Variants in ROBO2 observed in about 807,000 individuals in gnomAD.
ROBO2 encodes the protein roundabout homolog 2.
ROBO2 carries 53 observed loss-of-function variants against 160.8 expected under a neutral mutation model. That is an observed-to-expected ratio of 0.33 (90% CI 0.26 to 0.41). The LOEUF is 0.41. Ranked by LOEUF, ROBO2 falls within the 10% of genes least tolerant of loss-of-function variation. ROBO2 has a pLI of 1.00. For missense variants in ROBO2, 1,577 were observed against 1,722.4 expected (o/e 0.92, Z 1.49); for synonymous variants, 664 against 611.7 (o/e 1.09, Z -1.26).
intron 2 of ROBO2, among the ~76,000 whole-genome samples, chr3:77,185,783 GAATA>G (rs201483637): frequency 0.013 from 2,000 of 148,978 alleles, 67 homozygotes; most frequent in African/African-American, 0.046. Context: ...ATCAACGAGT[GAATA>G]AATAAACTGT....
chr3:77,133,959 T>G (rs1393446809), intron 2 of ROBO2, among the ~76,000 whole-genome samples: 1 of 152,162 alleles, frequency 6.6e-6, no homozygotes, highest in East Asian at 1.9e-4. Context: ...TTCCCAAAAT[T>G]GTATCATAGA....
At chr3:77,165,487 G>A (rs1004790089) in intron 2 of ROBO2, among the ~76,000 whole-genome samples, 7 of 148,126 alleles carry the variant, frequency 4.7e-5, no homozygotes, top group Non-Finnish European at 8.9e-5. Flanking sequence ...TTTATCTGCT[G>A]ACCTTCCCTC....
chr3:77,253,621 C>T (rs988818625), intron 2 of ROBO2, among the ~76,000 whole-genome samples: 2 of 152,066 alleles, frequency 1.3e-5, no homozygotes, highest in Non-Finnish European at 2.9e-5. Flanking sequence ...AGTGATGGGC[C>T]TGGATGAGTT....
intron 2 of ROBO2, among the ~76,000 whole-genome samples, chr3:76,197,088 T>C (rs978343401): frequency 2.0e-5 from 3 of 152,080 alleles, no homozygotes; most frequent in African/African-American, 7.3e-5. Flanking sequence ...GACTTTCTCC[T>C]TTTGGGGAGT....
chr3:77,016,921 T>G (rs1347001321), intron 2 of ROBO2, among the ~76,000 whole-genome samples: 1 of 152,234 alleles, frequency 6.6e-6, no homozygotes, highest in Non-Finnish European at 1.5e-5. Context: ...TATTTCTTGA[T>G]GAAGTAAGCT....
chr3:75,997,589 T>C lies in ROBO2; in HGVS notation c.109+59987T>C, dbSNP rs1460370447. ...CTTACTGCAAGCTCTGCCTCCCGGG[T>C]TCATGCCATTCTCCTGCCCAGCCTC... On this transcript the variant is annotated intron_variant, in intron 2 of 26. Coordinates refer to the ROBO2 transcript ENST00000487694. Among the ~76,000 whole-genome samples the C allele has an allele frequency of 5.3e-5, 8 of 150,002 alleles. No homozygotes were observed. In the Admixed American group the frequency reaches 5.4e-4, roughly 10 times the overall value.
intron 2 of ROBO2, among the ~76,000 whole-genome samples, chr3:75,956,911 T>C (rs1356726026): frequency 6.6e-6 from 1 of 151,664 alleles, no homozygotes; most frequent in Non-Finnish European, 1.5e-5. Flanking sequence ...AGATATCTCT[T>C]TCTTTCTTTC....
chr3:77,599,447 T>C (rs2094385625), intron 19 of ROBO2, among the ~76,000 whole-genome samples: 1 of 127,156 alleles, frequency 7.9e-6, no homozygotes, highest in Admixed American at 1.1e-4. Context: ...AATTGAACAA[T>C]GAGAACACAT....
At chr3:76,376,568 C>T (rs907022385) in intron 2 of ROBO2, among the ~76,000 whole-genome samples, 12 of 152,246 alleles carry the variant, frequency 7.9e-5, no homozygotes, top group African/African-American at 2.9e-4. Context: ...AGCAATATTA[C>T]TGAGCAAATA....
At chr3:77,546,214 T>C (rs2092692035) in intron 6 of ROBO2, 124 bp from the exon 8 acceptor site, 2 of 1,084,158 alleles carry the variant, frequency 1.8e-6, no homozygotes, top group East Asian at 2.5e-5. Flanking sequence ...TGTGTAAAAG[T>C]AAATAAAAAA....
chr3:77,625,020 A>G (rs2094980608), intron 23 of ROBO2, among the ~76,000 whole-genome samples: 1 of 152,206 alleles, frequency 6.6e-6, no homozygotes, highest in Non-Finnish European at 1.5e-5. Flanking sequence ...TAGGGAATAT[A>G]TCAGCAGTTA....
chr3:76,756,045 T>C lies in ROBO2; in HGVS notation c.110-341969T>C, dbSNP rs148614918. On this transcript the variant is annotated intron_variant, in intron 2 of 26. Coordinates refer to the ROBO2 transcript ENST00000487694. The stretch of plus-strand genomic sequence containing the variant: ...CAATTTTTAATTAGCTTTGAGTATG[T>C]GGCAATTTTAATTCTTGTAATAATG... Among the ~76,000 whole-genome samples, 900 of 151,994 alleles carry C rather than the reference T, an allele frequency of 5.9e-3. 5 individuals are homozygous for C. Among genetic ancestry groups the C allele is most frequent in the Middle Eastern group, 0.024 (7 of 294 alleles).
intron 2 of ROBO2, among the ~76,000 whole-genome samples, chr3:77,475,171 C>T (rs1269039669): frequency 6.6e-6 from 1 of 151,790 alleles, no homozygotes; most frequent in Non-Finnish European, 1.5e-5. Context: ...CTATACAAAC[C>T]CCAAAGAGCA....
At chr3:76,044,119 AG>A (rs1309945963) in intron 2 of ROBO2, among the ~76,000 whole-genome samples, 3 of 152,076 alleles carry the variant, frequency 2.0e-5, no homozygotes, top group African/African-American at 4.8e-5. Flanking sequence ...ATGCTGAGAC[AG>A]GGCAGCATTA....
intron 2 of ROBO2, among the ~76,000 whole-genome samples, chr3:77,151,261 G>A (rs1303342962): frequency 6.6e-6 from 1 of 151,930 alleles, no homozygotes; most frequent in African/African-American, 2.4e-5. Flanking sequence ...TACAACATTA[G>A]AGCCAAAAAT....
intron 2 of ROBO2, among the ~76,000 whole-genome samples, chr3:76,309,275 A>T (rs998785424): frequency 1.9e-4 from 29 of 152,222 alleles, no homozygotes; most frequent in African/African-American, 6.8e-4. Flanking sequence ...TCTGAGTTAA[A>T]TATAGCTCCC....
intron 25 of ROBO2, 133 bp downstream of exon 27, chr3:77,645,037 A>T: frequency 1.1e-6 from 1 of 928,776 alleles, no homozygotes; most frequent in East Asian, 2.6e-5. Context: ...TGCAATTTTC[A>T]ACAAGTTTGG....
At chr3:76,691,485 T>C (rs1406366205) in intron 2 of ROBO2, among the ~76,000 whole-genome samples, 1 of 151,544 alleles carries the variant, frequency 6.6e-6, no homozygotes, top group African/African-American at 2.4e-5. Context: ...TAAAAAAAAA[T>C]TAAATGGGCA....
intron 2 of ROBO2, among the ~76,000 whole-genome samples, chr3:76,846,475 G>C (rs1326644212): frequency 6.6e-6 from 1 of 152,030 alleles, no homozygotes; most frequent in East Asian, 1.9e-4. Context: ...CTGAAAACCT[G>C]AAAGATGAAT....
Sources: gnomAD v4.1 joint callset for allele counts (sites outside exome capture counted in the v4.1 genomes callset) on GRCh38, gnomAD v4.1.1 for gene constraint, MANE v1.5 for transcripts, NCBI Gene and HGNC (gene_info 2026-07-23, HGNC 2026-07-21) for gene names.